PRIM2: variants seen among roughly 807,000 people sequenced by gnomAD.
PRIM2 encodes the protein DNA primase subunit 2.
In PRIM2, 39 loss-of-function variants were observed where a neutral mutation model predicts 67.3. The ratio of observed to expected loss-of-function variants is 0.58; its 90% CI spans 0.45 to 0.76. PRIM2 has a LOEUF of 0.76. PRIM2 is among the 30% of genes least tolerant of loss of function. PRIM2 has a pLI of 0.00. For synonymous variants in PRIM2, 143 were observed against 198.7 expected (o/e 0.72, Z 2.36); for missense variants, 398 against 598.7 (o/e 0.66, Z 3.50).
At chr6:57,345,505 T>TAC (rs556627524) in intron 5 of PRIM2, among the ~76,000 whole-genome samples, 8,623 of 79,890 alleles carry the variant, frequency 0.11, 320 homozygotes, top group South Asian at 0.18. Flanking sequence ...TGTGTGTGTG[T>TAC]GTACATACAT....
rs1228647329 is a variant in PRIM2 at position 57,626,337 on chromosome 6, G to C, written c.1231-5796G>C. Among the ~76,000 whole-genome samples the C allele has an allele frequency of 2.8e-3, 420 of 152,266 alleles. 22 individuals are homozygous for C. In the South Asian group the frequency reaches 0.077, roughly 28 times the overall value. ...GTTGTGTGTGTATAAAAAGAAGAGA[G>C]TTCTATTTTTGTATATGTATGTGTT... On this transcript the variant is annotated intron_variant, in intron 12 of 13. Transcript: ENST00000615550.
the PRIM2 span, among the ~76,000 whole-genome samples, chr6:57,285,654 A>T: frequency 6.6e-6 from 1 of 152,218 alleles, no homozygotes; most frequent in Non-Finnish European, 1.5e-5. Context: ...TGACAAAACC[A>T]TAGACAATAT....
At chr6:57,319,633 A>G (rs1271517143) in intron 2 of PRIM2, among the ~76,000 whole-genome samples, 3 of 152,192 alleles carry the variant, frequency 2.0e-5, no homozygotes, top group Non-Finnish European at 4.4e-5. Context: ...TGGCAGTGGT[A>G]GGAAGGGAGA....
chr6:57,434,000 C>T (rs1246854710), intron 7 of PRIM2, among the ~76,000 whole-genome samples: 2 of 150,708 alleles, frequency 1.3e-5, no homozygotes, highest in African/African-American at 4.9e-5. Flanking sequence ...TCTCAGCTCA[C>T]GGCAACCTCT....
intron 13 of PRIM2, among the ~76,000 whole-genome samples, chr6:57,641,715 T>A (rs1345251083): frequency 4.7e-4 from 72 of 152,260 alleles, no homozygotes; most frequent in African/African-American, 1.7e-3. Context: ...TGGGGGTCAT[T>A]AAAAAGTCAG....
At chr6:57,614,723 G>C (rs1426521874) in intron 12 of PRIM2, among the ~76,000 whole-genome samples, 1 of 152,238 alleles carries the variant, frequency 6.6e-6, no homozygotes, top group Non-Finnish European at 1.5e-5. Flanking sequence ...GCTAGCGGGC[G>C]CCTGTAGTCC....
At chr6:57,552,907 C>T (rs1158331914) in intron 10 of PRIM2, among the ~76,000 whole-genome samples, 1 of 152,058 alleles carries the variant, frequency 6.6e-6, no homozygotes, top group East Asian at 1.9e-4. Flanking sequence ...CAAAACAACA[C>T]TGTGATGAAC....
chr6:57,603,332 A>C (rs1444283621), intron 11 of PRIM2, among the ~76,000 whole-genome samples: 1 of 152,206 alleles, frequency 6.6e-6, no homozygotes, highest in African/African-American at 2.4e-5. Flanking sequence ...TATTGAAGAC[A>C]TTCTTCATTT....
chr6:57,570,650 T>C (rs1775845012), intron 10 of PRIM2, among the ~76,000 whole-genome samples: 2 of 152,268 alleles, frequency 1.3e-5, no homozygotes, highest in East Asian at 3.9e-4. Context: ...AGCAATAATA[T>C]AGGTAAAACA....
intron 12 of PRIM2, among the ~76,000 whole-genome samples, chr6:57,606,747 T>G (rs1203406963): frequency 2.0e-5 from 3 of 152,196 alleles, no homozygotes; most frequent in Admixed American, 6.5e-5. Flanking sequence ...GAGGACTACA[T>G]CTTTAAAAAT....
At chr6:57,617,589 A>G (rs1366849073) in intron 12 of PRIM2, among the ~76,000 whole-genome samples, 15 of 152,058 alleles carry the variant, frequency 9.9e-5, no homozygotes, top group African/African-American at 1.4e-4. Context: ...TCCTTTGTCT[A>G]TTTTTGAATT....
intron 7 of PRIM2, among the ~76,000 whole-genome samples, chr6:57,496,747 A>G (rs1259615875): frequency 6.6e-6 from 1 of 152,236 alleles, no homozygotes; most frequent in Non-Finnish European, 1.5e-5. Flanking sequence ...TTAGAACTTC[A>G]GTTATTGCCT....
At chr6:57,631,140 C>A (rs1777032547) in intron 12 of PRIM2, among the ~76,000 whole-genome samples, 2 of 152,154 alleles carry the variant, frequency 1.3e-5, no homozygotes, top group African/African-American at 4.8e-5. Context: ...TTGTGTGTAT[C>A]TGTCAAATGA....
intron 7 of PRIM2, among the ~76,000 whole-genome samples, chr6:57,484,705 T>A (rs1405332604): frequency 0.033 from 5,013 of 152,266 alleles, 276 homozygotes; most frequent in African/African-American, 0.11. Context: ...GCCCTTTACA[T>A]TTGCTTTTTC....
chr6:57,309,793 G>A, the PRIM2 span, among the ~76,000 whole-genome samples: 1 of 152,318 alleles, frequency 6.6e-6, no homozygotes, highest in African/African-American at 2.4e-5. Context: ...CAGTGTAAAA[G>A]TGTTCCTATT....
In PRIM2 at chr6:57,646,474, G is replaced by T; in HGVS notation, c.*316G>T. ...GATCCTCACACCTCAGCGTCCCAGA[G>T]TGCTGGGATTACGGTTGTGAGCCAC... On this transcript the variant is annotated 3_prime_UTR_variant, in exon 14 of 14. Coordinates refer to ENST00000615550, the MANE Select transcript of PRIM2 (RefSeq NM_000947.5). 2 of 250,700 alleles carry T rather than the reference G, an allele frequency of 8.0e-6. No homozygotes were observed. Among genetic ancestry groups the T allele is most frequent in the Non-Finnish European group, 7.6e-6 (1 of 132,090 alleles). 15.5% of individuals were successfully genotyped at this position (250,700 alleles called of 1,614,324 possible).
chr6:57,317,521 C>T (rs1767516127), upstream of PRIM2: 1 of 152,732 alleles, frequency 6.5e-6, no homozygotes, highest in African/African-American at 2.4e-5. Context: ...AATTCCCAGA[C>T]GCGCTCCACT....
chr6:57,232,412 T>G, the PRIM2 span, among the ~76,000 whole-genome samples: 39 of 151,942 alleles, frequency 2.6e-4, no homozygotes, highest in African/African-American at 9.4e-4. Context: ...ATTAGCCAGG[T>G]GTGGTGGCGC....
intron 5 of PRIM2, among the ~76,000 whole-genome samples, chr6:57,359,983 G>A (rs1489712682): frequency 6.6e-6 from 1 of 152,182 alleles, no homozygotes; most frequent in Non-Finnish European, 1.5e-5. Context: ...GCTTTATTAT[G>A]TTTAGGACAG....
Sources: gnomAD v4.1 joint callset for allele counts (sites outside exome capture counted in the v4.1 genomes callset) on GRCh38, gnomAD v4.1.1 for gene constraint, MANE v1.5 for transcripts, NCBI Gene and HGNC (gene_info 2026-07-23, HGNC 2026-07-21) for gene names.